Variants in NEGR1 observed in about 807,000 individuals in gnomAD.
The protein encoded by NEGR1 is IgLON family member 4.
In NEGR1, 10 loss-of-function variants were observed where a neutral mutation model predicts 40.9. The ratio of observed to expected loss-of-function variants is 0.24; its 90% CI spans 0.15 to 0.42. The LOEUF is 0.42. Among genes scored for constraint, NEGR1 ranks in the 10% least tolerant of loss-of-function variants. The pLI is 1.00. For missense variants in NEGR1, 352 were observed against 438.9 expected (o/e 0.80, Z 1.77); for synonymous variants, 185 against 166.8 (o/e 1.11, Z -0.84).
At chr1:72,022,703 G>C (rs956753884) in intron 1 of NEGR1, among the ~76,000 whole-genome samples, 2 of 151,954 alleles carry the variant, frequency 1.3e-5, no homozygotes, top group African/African-American at 2.4e-5. Context: ...AAGTTTACAA[G>C]AATTTTAGCT....
At chr1:71,731,428 A>G (rs1341154942) in intron 3 of NEGR1, among the ~76,000 whole-genome samples, 1 of 152,204 alleles carries the variant, frequency 6.6e-6, no homozygotes, top group Non-Finnish European at 1.5e-5. Context: ...GTCTGAAATT[A>G]TACTTTTCAA....
In NEGR1 at chr1:71,971,309, A is replaced by G. The variant is rs529502406; in HGVS notation, c.177-35998T>C. Reference sequence around the variant, plus strand: ...TTTGTTTTGCTTTTTCTTTTTTTTTAAGCTGCCAGTTTATGGTCCATGCTT... The same window carrying G: ...TTTGTTTTGCTTTTTCTTTTTTTTTGAGCTGCCAGTTTATGGTCCATGCTT... On this transcript the variant is annotated intron_variant, in intron 1 of 6. Coordinates refer to ENST00000357731, the MANE Select transcript of NEGR1 (RefSeq NM_173808.3). Among the ~76,000 whole-genome samples the G allele has an allele frequency of 7.7e-4, 117 of 152,090 alleles. 1 individual carries two copies. Among genetic ancestry groups the G allele is most frequent in the South Asian group, 6.2e-3 (30 of 4,820 alleles).
chr1:72,210,428 G>T lies in NEGR1; in HGVS notation c.176+71891C>A, dbSNP rs577991826. ...GTTGTTGTCTCAAATAAAACACTTGGGTGATTGAAACGCAAGCAGAATGAG... is the reference window on the plus strand; with the variant it reads ...GTTGTTGTCTCAAATAAAACACTTGTGTGATTGAAACGCAAGCAGAATGAG... On this transcript the variant is annotated intron_variant, in intron 1 of 6. Coordinates refer to ENST00000357731, the MANE Select transcript of NEGR1 (RefSeq NM_173808.3). 7.9e-5 allele frequency among the ~76,000 whole-genome samples: 12 copies of T among 151,884 alleles called. No individual in the cohort carries two copies. In the South Asian group the frequency reaches 2.5e-3, roughly 32 times the overall value.
At chr1:71,525,290 A>C (rs1359969257) in intron 6 of NEGR1, among the ~76,000 whole-genome samples, 1 of 151,586 alleles carries the variant, frequency 6.6e-6, no homozygotes, top group East Asian at 1.9e-4. Flanking sequence ...GTGAGGAAAA[A>C]ATTTTTCCCT....
At chr1:71,481,024 T>A (rs1646850617) in intron 6 of NEGR1, among the ~76,000 whole-genome samples, 1 of 151,964 alleles carries the variant, frequency 6.6e-6, no homozygotes, top group Admixed American at 6.6e-5. Context: ...TAATGCTTAT[T>A]AAAAGATAAG....
At chr1:71,886,402 C>T (rs1660723448) in intron 2 of NEGR1, among the ~76,000 whole-genome samples, 1 of 150,618 alleles carries the variant, frequency 6.6e-6, no homozygotes, top group African/African-American at 2.4e-5. Flanking sequence ...AGCATATTAC[C>T]CTTTGTGACT....
In NEGR1 at chr1:71,611,141, G is replaced by C; in HGVS notation, c.673C>G (p.Pro225Ala). ...RKVKVVVNFAPTIQEIKSGTV... is the reference protein window; with the variant it reads ...RKVKVVVNFAATIQEIKSGTV... ...CCAGATTTAATTTCCTGAATAGTAGGAGCAACTGCAAAAGAAACAAACAAA... is the reference window on the plus strand; with the variant it reads ...CCAGATTTAATTTCCTGAATAGTAGCAGCAACTGCAAAAGAAACAAACAAA... The change falls in exon 5 of 7, where the codon CCT becomes GCT. Residue 225 changes from proline to alanine, a missense_variant. Pro to Ala is a conservative substitution (Grantham distance 27). Transcript: ENST00000357731. The C allele has an allele frequency of 6.2e-7, 1 of 1,613,468 alleles. No individual in the cohort carries two copies. The highest frequency in any genetic ancestry group is 1.1e-5 in the South Asian group (1 of 91,048).
chr1:71,718,726 A>G (rs1219916997), intron 3 of NEGR1, among the ~76,000 whole-genome samples: 3 of 152,172 alleles, frequency 2.0e-5, no homozygotes, highest in African/African-American at 7.2e-5. Flanking sequence ...TTTTTTTAAT[A>G]CAATCAGTTT....
chr1:72,040,923 C>A (rs1646948037), intron 1 of NEGR1, among the ~76,000 whole-genome samples: 1 of 151,914 alleles, frequency 6.6e-6, no homozygotes. Flanking sequence ...TTAAGGTAGA[C>A]CCAATCAGAA....
rs139626520 is a variant in NEGR1, at chr1:71,456,171, G to A, written c.941-48601C>T. ...GGTACAACAAAGAGATATGTATGTTGAGACTTTAAGCAAAGAAGCACTCTG... is the reference window on the plus strand; with the variant it reads ...GGTACAACAAAGAGATATGTATGTTAAGACTTTAAGCAAAGAAGCACTCTG... On this transcript the variant is annotated intron_variant, in intron 6 of 6. Coordinates refer to ENST00000357731, the MANE Select transcript of NEGR1 (RefSeq NM_173808.3). Among the ~76,000 whole-genome samples, 328 of 152,304 alleles carry A rather than the reference G, an allele frequency of 2.2e-3. 1 individual carries two copies. The highest frequency in any genetic ancestry group is 7.6e-3 in the African/African-American group (315 of 41,572).
At chr1:72,026,427 TAAAC>T (rs1430594082) in intron 1 of NEGR1, among the ~76,000 whole-genome samples, 2 of 151,880 alleles carry the variant, frequency 1.3e-5, no homozygotes. Flanking sequence ...ACAAAAGAGT[TAAAC>T]TAGCTGACGT....
At chr1:71,507,269 T>C (rs72936157) in intron 6 of NEGR1, among the ~76,000 whole-genome samples, 6,116 of 152,224 alleles carry the variant, frequency 0.04, 407 homozygotes, top group African/African-American at 0.14. Context: ...AGTATTAAGG[T>C]GCAGTTTACC....
At chr1:71,648,650 T>A (rs1229144127) in intron 4 of NEGR1, among the ~76,000 whole-genome samples, 1 of 151,968 alleles carries the variant, frequency 6.6e-6, no homozygotes, top group Non-Finnish European at 1.5e-5. Context: ...ATGTAAGGGT[T>A]AGAGCATCTC....
chr1:71,969,118 G>A (rs542275480), intron 1 of NEGR1, among the ~76,000 whole-genome samples: 5 of 151,962 alleles, frequency 3.3e-5, no homozygotes, highest in South Asian at 4.2e-4. Flanking sequence ...AGGTTCAAGC[G>A]ATTCTCCTGC....
intron 3 of NEGR1, among the ~76,000 whole-genome samples, chr1:71,762,886 T>C (rs1312569689): frequency 2.0e-5 from 3 of 152,148 alleles, no homozygotes; most frequent in African/African-American, 7.2e-5. Flanking sequence ...AATCAAAACG[T>C]TCTCTAATGA....
chr1:71,938,036 T>C (rs1040017879), intron 1 of NEGR1, among the ~76,000 whole-genome samples: 1 of 152,152 alleles, frequency 6.6e-6, no homozygotes, highest in Non-Finnish European at 1.5e-5. Flanking sequence ...GGATCATTTA[T>C]GTCTCCTTGG....
intron 1 of NEGR1, among the ~76,000 whole-genome samples, chr1:72,001,970 C>T (rs371592413): frequency 4.5e-4 from 68 of 152,128 alleles, no homozygotes; most frequent in African/African-American, 1.6e-3. Context: ...AAAGTTTTCT[C>T]AGTGGTTGAC....
At position 71,592,765 on chromosome 1, in the gene NEGR1, G is replaced by A. The variant is rs938417000; in HGVS notation, c.940+52C>T. 10 of 1,445,878 alleles carry A rather than the reference G, an allele frequency of 6.9e-6. No individual in the cohort carries two copies. The African/African-American group carries it at 1.1e-4, about 16-fold the overall frequency. 89.6% of individuals were successfully genotyped at this position (1,445,878 alleles called of 1,614,324 possible). A position where few individuals can be genotyped will look rare whatever the true frequency, so the allele number is the denominator to read the frequency against. On this transcript the variant is annotated intron_variant, in intron 6 of 6. Transcript: ENST00000357731. ...TTCTTAGGTTTTATCTCTACAGATG[G>A]ATAGGGGCCCAGAGGCCCCTGGAAG...
At chr1:71,899,785 T>C (rs186364509) in intron 2 of NEGR1, among the ~76,000 whole-genome samples, 64 of 152,294 alleles carry the variant, frequency 4.2e-4, no homozygotes, top group African/African-American at 1.2e-3. Context: ...ATTTAATATA[T>C]TCCATATTTG....
Sources: gnomAD v4.1 joint callset for allele counts (sites outside exome capture counted in the v4.1 genomes callset) on GRCh38, gnomAD v4.1.1 for gene constraint, MANE v1.5 for transcripts, NCBI Gene and HGNC (gene_info 2026-07-23, HGNC 2026-07-21) for gene names.